The following ATRNL1 variants were observed in gnomAD, a reference collection of about 807,000 sequenced individuals.
ATRNL1 encodes attractin like 1.
A neutral mutation model predicts 182.7 loss-of-function variants in ATRNL1; 95 were observed. The observed-to-expected ratio is 0.52, with a 90% CI of 0.44 to 0.62. ATRNL1 has a LOEUF of 0.62. ATRNL1 is among the 20% of genes least tolerant of loss of function. ATRNL1 has a pLI of 0.00. For missense variants in ATRNL1, 1,471 were observed against 1,679.5 expected (o/e 0.88, Z 2.17); for synonymous variants, 576 against 568.3 (o/e 1.01, Z -0.19).
chr10:115,392,628 A>C (rs1176859550), intron 19 of ATRNL1, among the ~76,000 whole-genome samples: 1 of 152,118 alleles, frequency 6.6e-6, no homozygotes, highest in Admixed American at 6.6e-5. Context: ...TGTGAAGAAT[A>C]GTTGTCATAT....
intron 28 of ATRNL1, among the ~76,000 whole-genome samples, chr10:115,942,875 C>A (rs1555124615): frequency 6.6e-6 from 1 of 152,166 alleles, no homozygotes; most frequent in African/African-American, 2.4e-5. Flanking sequence ...ATGAAAATGA[C>A]TCATATGTAG....
rs556745237 is a variant in ATRNL1, at chr10:115,094,253, G to A, written c.293+210G>A. Among the ~76,000 whole-genome samples, 543 of 152,108 alleles carry A rather than the reference G, an allele frequency of 3.6e-3. 2 individuals are homozygous for A. The highest frequency in any genetic ancestry group is 0.013 in the African/African-American group (524 of 41,514). ...GCGCCCCGGGAGAGCTCGGGCCCGCGCGGAGCCCTGACCAACGGGGAGCTA... is the reference window on the plus strand; with the variant it reads ...GCGCCCCGGGAGAGCTCGGGCCCGCACGGAGCCCTGACCAACGGGGAGCTA... On this transcript the variant is annotated intron_variant, in intron 1 of 28. Coordinates refer to ENST00000355044, the MANE Select transcript of ATRNL1 (RefSeq NM_207303.4).
intron 26 of ATRNL1, among the ~76,000 whole-genome samples, chr10:115,623,859 T>C (rs1354306206): frequency 6.6e-6 from 1 of 152,144 alleles, no homozygotes; most frequent in Non-Finnish European, 1.5e-5. Flanking sequence ...ATAATGTGTT[T>C]ACAAATTTAC....
chr10:115,756,515 T>C (rs1373135613), intron 27 of ATRNL1, among the ~76,000 whole-genome samples: 2 of 152,214 alleles, frequency 1.3e-5, no homozygotes, highest in African/African-American at 4.8e-5. Context: ...TTGATTGCAC[T>C]ATGGTCTCAG....
chr10:115,602,860 A>AAAAC (rs781915559), intron 26 of ATRNL1, among the ~76,000 whole-genome samples: 115 of 152,092 alleles, frequency 7.6e-4, no homozygotes, highest in Non-Finnish European at 1.4e-3. Flanking sequence ...TCTCAAAAAA[A>AAAAC]AAAAAAACAT....
At chr10:115,153,636 A>G (rs1846355866) in intron 5 of ATRNL1, among the ~76,000 whole-genome samples, 3 of 151,736 alleles carry the variant, frequency 2.0e-5, no homozygotes, top group Admixed American at 6.6e-5. Flanking sequence ...CGGTCTATCA[A>G]TTTTGTTGAT....
At chr10:115,602,281 G>A (rs1306429532) in intron 26 of ATRNL1, among the ~76,000 whole-genome samples, 1 of 152,052 alleles carries the variant, frequency 6.6e-6, no homozygotes, top group Non-Finnish European at 1.5e-5. Flanking sequence ...TTGAACCCTG[G>A]GGTCAGAGGT....
intron 26 of ATRNL1, among the ~76,000 whole-genome samples, chr10:115,613,134 G>A (rs754627007): frequency 2.2e-4 from 33 of 152,162 alleles, no homozygotes; most frequent in Non-Finnish European, 4.3e-4. Flanking sequence ...CCATTGGTAA[G>A]TTCCATTTTG....
At chr10:115,225,548 AAATT>A (rs1554898508) in intron 9 of ATRNL1, among the ~76,000 whole-genome samples, 2 of 148,782 alleles carry the variant, frequency 1.3e-5, no homozygotes, top group South Asian at 2.1e-4. Flanking sequence ...TCAATATAAA[AAATT>A]AATCCAGAGT....
At chr10:115,428,206 C>T (rs899657996) in intron 21 of ATRNL1, among the ~76,000 whole-genome samples, 15 of 151,792 alleles carry the variant, frequency 9.9e-5, no homozygotes, top group Non-Finnish European at 1.9e-4. Context: ...TTCCTGATTT[C>T]CTGATTGTTT....
At chr10:115,664,134 C>T (rs1249320496) in intron 26 of ATRNL1, among the ~76,000 whole-genome samples, 1 of 152,170 alleles carries the variant, frequency 6.6e-6, no homozygotes, top group African/African-American at 2.4e-5. Context: ...CCAGTGTTCT[C>T]CGCTAAAGAG....
chr10:115,653,896 A>G (rs1401953069), intron 26 of ATRNL1, among the ~76,000 whole-genome samples: 2 of 152,180 alleles, frequency 1.3e-5, no homozygotes, highest in Admixed American at 1.3e-4. Context: ...CTACAAATGC[A>G]ATCTTAAATG....
At chr10:115,730,153 A>C (rs1947747350) in intron 27 of ATRNL1, among the ~76,000 whole-genome samples, 1 of 149,898 alleles carries the variant, frequency 6.7e-6, no homozygotes, top group African/African-American at 2.5e-5. Flanking sequence ...GTTACTCTGG[A>C]ATATGAGGCA....
chr10:115,201,376 A>G (rs1848572137), intron 8 of ATRNL1, among the ~76,000 whole-genome samples: 1 of 152,118 alleles, frequency 6.6e-6, no homozygotes, highest in Non-Finnish European at 1.5e-5. Flanking sequence ...CTAACATTTA[A>G]GTGTTTAATC....
At chr10:115,578,011 C>A (rs1356880544) in intron 26 of ATRNL1, among the ~76,000 whole-genome samples, 1 of 151,542 alleles carries the variant, frequency 6.6e-6, no homozygotes, top group Non-Finnish European at 1.5e-5. Context: ...TTGACTTGAT[C>A]CTGTGGTTTT....
At chr10:115,178,162 G>C (rs1197540031) in intron 8 of ATRNL1, among the ~76,000 whole-genome samples, 1 of 151,716 alleles carries the variant, frequency 6.6e-6, no homozygotes, top group Non-Finnish European at 1.5e-5. Flanking sequence ...TGCCTTCTTC[G>C]ACCTCCCAAA....
chr10:115,136,932 C>T (rs1356168644), intron 5 of ATRNL1, among the ~76,000 whole-genome samples: 1 of 152,190 alleles, frequency 6.6e-6, no homozygotes. Context: ...AAGAACTGAT[C>T]TCTTAAAATG....
intron 1 of ATRNL1, 40 bp from the exon 2 acceptor site, chr10:115,120,145 T>C (rs1554871146): frequency 8.1e-7 from 1 of 1,232,690 alleles, no homozygotes; most frequent in Non-Finnish European, 1.2e-6. Flanking sequence ...TTAAAGTTAT[T>C]TTAAGGTAAT....
intron 9 of ATRNL1, among the ~76,000 whole-genome samples, chr10:115,219,580 T>G (rs142443594): frequency 1.6e-3 from 248 of 152,334 alleles, no homozygotes; most frequent in African/African-American, 5.6e-3. Flanking sequence ...TGAATACTTC[T>G]GCAGCTGTTG....
Sources: gnomAD v4.1 joint callset for allele counts (sites outside exome capture counted in the v4.1 genomes callset) on GRCh38, gnomAD v4.1.1 for gene constraint, MANE v1.5 for transcripts, NCBI Gene and HGNC (gene_info 2026-07-23, HGNC 2026-07-21) for gene names.